The following PRKN variants were observed in gnomAD, a reference collection of about 807,000 sequenced individuals.
PRKN encodes the protein parkin RBR E3 ubiquitin protein ligase.
A neutral mutation model predicts 59.5 loss-of-function variants in PRKN; 56 were observed. That is an observed-to-expected ratio of 0.94 (90% confidence interval 0.76 to 1.18). The LOEUF (loss-of-function observed/expected upper bound fraction) is 1.18. Among genes scored for constraint, PRKN ranks in the 50% most tolerant of loss-of-function variants. The probability of loss-of-function intolerance (pLI) is 0.00; values close to 1 mark genes in which losing one functional copy is unlikely to be tolerated. For missense variants in PRKN, 657 were observed against 596.4 expected, an observed-to-expected ratio of 1.10 and a Z score of -1.06; for synonymous variants, 250 against 222.1, an observed-to-expected ratio of 1.13 and a Z score of -1.12.
Position 161,423,502 on chromosome 6 carries a change from G to A in PRKN, c.1084-36625C>T, listed in dbSNP as rs1788195377. 6.6e-6 allele frequency among the ~76,000 whole-genome samples: 1 copy of A among 152,194 alleles called. No homozygotes were observed. Among genetic ancestry groups the A allele is most frequent in the African/African-American group, 2.4e-5 (1 of 41,438 alleles). ...CAGGGGCATAGGCAGTGTTTGTCAA[G>A]CTCTGGAATGTGGATGACAAAGGAC... On this transcript the variant is annotated intron_variant, in intron 9 of 11. Coordinates refer to ENST00000366898, the MANE Select transcript of PRKN (RefSeq NM_004562.3). The surrounding 1 kb of genome is among the most constrained non-coding windows in gnomAD (Gnocchi z 5.9).
In PRKN at chr6:161,355,783, C is replaced by T. The variant is rs1483026562; in HGVS notation, c.1285+4305G>A. 1.3e-5 allele frequency among the ~76,000 whole-genome samples: 2 copies of T among 152,150 alleles called. No homozygotes were observed. The highest frequency in any genetic ancestry group is 2.4e-5 in the African/African-American group (1 of 41,426). Reference sequence around the variant, plus strand: ...GATTGGAGCCTAGACGGTCAAGGTCCCTGATCTCACCGGCTTATGTTCTAA... The same window carrying T: ...GATTGGAGCCTAGACGGTCAAGGTCTCTGATCTCACCGGCTTATGTTCTAA... On this transcript the variant is annotated intron_variant, in intron 11 of 11. Transcript: ENST00000366898. This position sits in a 1 kb window ranked among gnomAD's most constrained non-coding sequence, Gnocchi z 6.8.
At chr6:161,591,688 T>C (rs1036471909) in intron 7 of PRKN, among the ~76,000 whole-genome samples, 5 of 152,234 alleles carry the variant, frequency 3.3e-5, no homozygotes, top group Admixed American at 1.3e-4. Flanking sequence ...CTGAAACTAA[T>C]TGAATAGTGT....
At chr6:162,212,302 A>G (rs1785237307) in intron 3 of PRKN, among the ~76,000 whole-genome samples, 1 of 152,000 alleles carries the variant, frequency 6.6e-6, no homozygotes, top group African/African-American at 2.4e-5. Context: ...TCTCAAGGGC[A>G]AGTTTCATGT....
rs1453562746 is a variant in PRKN at position 161,428,549 on chromosome 6, C to T, written c.1084-41672G>A. ...AAGGCCGTGGCACCTTCTTGCATCT[C>T]TAAGTGTGTGGCATTGTGGCTGCCT... is the stretch of plus-strand genomic sequence containing the variant. On this transcript the variant is annotated intron_variant, in intron 9 of 11. Coordinates refer to ENST00000366898, the MANE Select transcript of PRKN (RefSeq NM_004562.3). This position sits in a 1 kb window ranked among gnomAD's most constrained non-coding sequence, Gnocchi z 4.0. Among the ~76,000 whole-genome samples, 2 of 152,192 alleles carry T rather than the reference C, an allele frequency of 1.3e-5. No homozygotes were observed. The highest frequency in any genetic ancestry group is 2.9e-5 in the Non-Finnish European group (2 of 68,040).
At chr6:161,805,978 A>C (rs565585009) in intron 6 of PRKN, among the ~76,000 whole-genome samples, 1 of 152,292 alleles carries the variant, frequency 6.6e-6, no homozygotes, top group African/African-American at 2.4e-5. Flanking sequence ...CCTGCTCCTC[A>C]TTAGGGTCGA....
In PRKN at chr6:162,476,167, C is replaced by T. The variant is rs568049452; in HGVS notation, c.8-32694G>A. Among the ~76,000 whole-genome samples, 4 of 151,710 alleles carry T rather than the reference C, an allele frequency of 2.6e-5. No individual in the cohort carries two copies. The South Asian group carries it at 8.3e-4, about 32-fold the overall frequency. On this transcript the variant is annotated intron_variant, in intron 1 of 11. Coordinates refer to ENST00000366898, the MANE Select transcript of PRKN (RefSeq NM_004562.3). The stretch of plus-strand genomic sequence containing the variant: ...CCGCCTCTCGGTTTCAAACGATTCT[C>T]CTGCCTCAGCCTCCCGAGTAGCTGG...
At chr6:162,200,130 C>T (rs1784659588) in intron 4 of PRKN, among the ~76,000 whole-genome samples, 1 of 152,260 alleles carries the variant, frequency 6.6e-6, no homozygotes, top group Admixed American at 6.5e-5. Context: ...TGGCTGGTGC[C>T]TGGGGTATTT....
Position 162,578,041 on chromosome 6 carries a change from C to T in PRKN, c.8-134568G>A, listed in dbSNP as rs561725898. 1.8e-4 allele frequency among the ~76,000 whole-genome samples: 27 copies of T among 152,184 alleles called. No homozygotes were observed. In the East Asian group the frequency reaches 2.7e-3, roughly 15 times the overall value. On this transcript the variant is annotated intron_variant, in intron 1 of 11. Transcript: ENST00000366898. ...ATGAGGGTGTGCAAACATATGCACT[C>T]GCAACCACTGATGACGGGAACATAA...
chr6:162,651,622 A>T (rs1250132138), intron 1 of PRKN, among the ~76,000 whole-genome samples: 1 of 152,176 alleles, frequency 6.6e-6, no homozygotes, highest in Non-Finnish European at 1.5e-5. Context: ...TTTAAGGATC[A>T]CTTTTAGAAA....
chr6:162,633,761 G>C (rs191881575), intron 1 of PRKN, among the ~76,000 whole-genome samples: 15 of 152,138 alleles, frequency 9.9e-5, no homozygotes, highest in Admixed American at 8.5e-4. Flanking sequence ...GAAGGGAGGA[G>C]AGTTTGTGAT....
chr6:162,120,844 T>C (rs924600300), intron 4 of PRKN, among the ~76,000 whole-genome samples: 2 of 152,202 alleles, frequency 1.3e-5, no homozygotes, highest in Admixed American at 1.3e-4. Context: ...GCAAGTCTCA[T>C]CTACTTACTC....
chr6:161,960,330 T>C (rs4475301), intron 6 of PRKN, among the ~76,000 whole-genome samples: 2,269 of 152,240 alleles, frequency 0.015, 66 homozygotes, highest in African/African-American at 0.052. Flanking sequence ...GTGCTTCATG[T>C]GTATCTTGGG....
chr6:161,418,633 C>T (rs138384525), intron 9 of PRKN, among the ~76,000 whole-genome samples: 2 of 152,182 alleles, frequency 1.3e-5, no homozygotes, highest in East Asian at 1.9e-4. Context: ...GCAATTACCT[C>T]GGCTAAAATA....
chr6:162,339,413 A>G (rs1784048193), intron 2 of PRKN, among the ~76,000 whole-genome samples: 1 of 141,404 alleles, frequency 7.1e-6, no homozygotes, highest in Non-Finnish European at 1.5e-5. Flanking sequence ...CCGCCCGGCC[A>G]GCCGCCCCGT....
chr6:161,680,759 A>T (rs1415712751), intron 7 of PRKN, among the ~76,000 whole-genome samples: 12 of 11,432 alleles, frequency 1.0e-3, no homozygotes, highest in African/African-American at 3.5e-3. Context: ...ATATATATAT[A>T]TATATATATA....
chr6:162,205,962 C>T (rs949026332), intron 3 of PRKN, among the ~76,000 whole-genome samples: 1 of 152,068 alleles, frequency 6.6e-6, no homozygotes, highest in South Asian at 2.1e-4. Flanking sequence ...ACTGACAACG[C>T]GGAGACTCAC....
chr6:162,616,871 G>A (rs1030251627), intron 1 of PRKN, among the ~76,000 whole-genome samples: 3 of 152,010 alleles, frequency 2.0e-5, no homozygotes, highest in African/African-American at 7.2e-5. Context: ...GAAGCTCCTA[G>A]GAAGACAGAA....
intron 1 of PRKN, among the ~76,000 whole-genome samples, chr6:162,570,755 A>T (rs11968987): frequency 0.22 from 34,122 of 152,094 alleles, 4,591 homozygotes; most frequent in African/African-American, 0.38. Flanking sequence ...GGAATCTAGT[A>T]ATCAAAACAG....
intron 6 of PRKN, among the ~76,000 whole-genome samples, chr6:161,794,069 T>A (rs1281282554): frequency 6.6e-6 from 1 of 152,182 alleles, no homozygotes; most frequent in Non-Finnish European, 1.5e-5. Context: ...GGCAACGACT[T>A]GATTTTATGC....
Sources: gnomAD v4.1 joint callset for allele counts (sites outside exome capture counted in the v4.1 genomes callset) on GRCh38, gnomAD v4.1.1 for gene constraint, Gnocchi (gnomAD v3.1) non-coding constraint, MANE v1.5 for transcripts, NCBI Gene and HGNC (gene_info 2026-07-23, HGNC 2026-07-21) for gene names.